The following C20orf203 variants were observed in gnomAD, a reference collection of about 807,000 sequenced individuals.
The protein encoded by C20orf203 is uncharacterized protein C20orf203.
Under a neutral mutation model 15.9 loss-of-function variants are expected in C20orf203, and 16 were observed. The observed-to-expected ratio is 1.01, with a 90% CI of 0.68 to 1.53. The LOEUF is 1.53. C20orf203 is among the 40% of genes most tolerant of loss of function. The pLI, the probability that C20orf203 is intolerant of heterozygous loss-of-function variation, is 0.00. For missense variants in C20orf203, 263 were observed against 247.5 expected (o/e 1.06, Z -0.42); for synonymous variants, 98 against 97.2 (o/e 1.01, Z -0.05).
At chr20:32,645,542 A>G (rs1288329977) in intron 4 of C20orf203, among the ~76,000 whole-genome samples, 1 of 151,752 alleles carries the variant, frequency 6.6e-6, no homozygotes, top group Non-Finnish European at 1.5e-5. Context: ...GCTGCAGGCC[A>G]CTCCTCTCCT....
intron 4 of C20orf203, among the ~76,000 whole-genome samples, chr20:32,644,362 T>C (rs1476331606): frequency 2.0e-5 from 3 of 152,074 alleles, no homozygotes; most frequent in African/African-American, 4.8e-5. Flanking sequence ...GCAGGAGAAT[T>C]GCTTGAACCC....
rs115385469 is a variant in C20orf203, at chr20:32,644,168, C to T, written c.*1178-3481G>A. 8.6e-3 allele frequency among the ~76,000 whole-genome samples: 1,315 copies of T among 152,330 alleles called. 28 individuals are homozygous for T. The highest frequency in any genetic ancestry group is 0.03 in the African/African-American group (1,257 of 41,568). On this transcript the variant is annotated intron_variant, in intron 4 of 5. Coordinates refer to ENST00000608990, the MANE Select transcript of C20orf203 (RefSeq NM_182584.4). ...AGCCTTCTAGAAAAAGGAGTTGTAGCCAGGCACCGTGGCTTACGCCTGTAA... is the reference window on the plus strand; with the variant it reads ...AGCCTTCTAGAAAAAGGAGTTGTAGTCAGGCACCGTGGCTTACGCCTGTAA...
intron 1 of C20orf203, among the ~76,000 whole-genome samples, chr20:32,668,398 G>T (rs1047943320): frequency 6.6e-6 from 1 of 152,048 alleles, no homozygotes; most frequent in African/African-American, 2.4e-5. Context: ...GGCCGAGGCG[G>T]GTGGATCATT....
At chr20:32,662,487 G>C (rs985147525) in intron 1 of C20orf203, among the ~76,000 whole-genome samples, 1 of 152,118 alleles carries the variant, frequency 6.6e-6, no homozygotes, top group African/African-American at 2.4e-5. Context: ...TGTAATCTCA[G>C]CTACTCTGGA....
In C20orf203 at chr20:32,650,325, G is replaced by A; in HGVS notation, c.*107C>T. On this transcript the variant is annotated 3_prime_UTR_variant, in exon 4 of 6. Transcript: ENST00000608990. ...GCGTGCCGGGCCCATCCCCCACTCT[G>A]GGGAGCAGAATGATTGTGGGGGGTG... The A allele has an allele frequency of 4.9e-6, 4 of 814,800 alleles. No individual in the cohort carries two copies. In the South Asian group the frequency reaches 6.8e-5, roughly 14 times the overall value. 50.5% of individuals were successfully genotyped at this position (814,800 alleles called of 1,614,324 possible).
At position 32,632,146 on chromosome 20, in the gene C20orf203, G is replaced by A. The variant is rs1982012086; in HGVS notation, c.*3424C>T. ...ACCCAGAGCAGTCTCCCCAGCCTGG[G>A]CTTGCATTTGAGCCTCACAAATACC... On this transcript the variant is annotated 3_prime_UTR_variant, in exon 6 of 6. Coordinates refer to ENST00000608990, the MANE Select transcript of C20orf203 (RefSeq NM_182584.4). The A allele has an allele frequency of 6.6e-6, 1 of 152,236 alleles. No individual in the cohort carries two copies. Among genetic ancestry groups the A allele is most frequent in the African/African-American group, 2.4e-5 (1 of 41,454 alleles). The allele number at this position is 152,236 out of a possible 1,614,324, so 9.4% of individuals were successfully genotyped here. A position where few individuals can be genotyped will look rare whatever the true frequency, so the allele number is the denominator to read the frequency against.
chr20:32,671,013 T>TAAAA, intron 1 of C20orf203, among the ~76,000 whole-genome samples: 1 of 144,800 alleles, frequency 6.9e-6, no homozygotes, highest in South Asian at 2.2e-4. Flanking sequence ...TGCCATTATT[T>TAAAA]AAAAAAAAAA....
chr20:32,665,191 G>A (rs1293585302), intron 1 of C20orf203, among the ~76,000 whole-genome samples: 1 of 152,196 alleles, frequency 6.6e-6, no homozygotes, highest in Non-Finnish European at 1.5e-5. Context: ...CGTGGGTTCT[G>A]CTCAGAGGAT....
chr20:32,664,135 C>G (rs756392122), intron 1 of C20orf203, among the ~76,000 whole-genome samples: 1 of 152,218 alleles, frequency 6.6e-6, no homozygotes, highest in African/African-American at 2.4e-5. Context: ...CTGCTCTGGT[C>G]TCCCTGGACT....
chr20:32,648,459 G>A (rs1334809345), intron 4 of C20orf203, among the ~76,000 whole-genome samples: 1 of 21,532 alleles, frequency 4.6e-5, no homozygotes, highest in African/African-American at 1.6e-4. Flanking sequence ...TTTTTTTTTT[G>A]AGACAGAGTC....
intron 1 of C20orf203, among the ~76,000 whole-genome samples, chr20:32,655,463 C>T (rs185093855): frequency 1.6e-3 from 239 of 152,104 alleles, no homozygotes; most frequent in Non-Finnish European, 2.7e-3. Context: ...ATAAAGAACC[C>T]TTACAACTCA....
intron 5 of C20orf203, among the ~76,000 whole-genome samples, chr20:32,635,158 C>T (rs538950315): frequency 2.0e-5 from 3 of 151,678 alleles, no homozygotes; most frequent in South Asian, 4.2e-4. Context: ...TGTGCCACTG[C>T]ACTCCAGTCT....
intron 1 of C20orf203, among the ~76,000 whole-genome samples, chr20:32,668,045 G>T (rs1306270952): frequency 6.6e-6 from 1 of 152,180 alleles, no homozygotes; most frequent in African/African-American, 2.4e-5. Context: ...GTGAATCCCT[G>T]CTGCCCCTCT....
intron 1 of C20orf203, among the ~76,000 whole-genome samples, chr20:32,654,117 A>T (rs977538057): frequency 1.3e-5 from 2 of 151,832 alleles, no homozygotes; most frequent in African/African-American, 4.8e-5. Flanking sequence ...AGAATCCACT[A>T]AAAAAAAGTT....
chr20:32,672,033 A>G (rs1354013531), intron 1 of C20orf203, among the ~76,000 whole-genome samples: 1 of 150,666 alleles, frequency 6.6e-6, no homozygotes, highest in East Asian at 2.0e-4. Flanking sequence ...AAAATTTAAG[A>G]GGAGCCGGGG....
At chr20:32,648,546 T>G (rs915070007) in intron 4 of C20orf203, among the ~76,000 whole-genome samples, 1 of 145,958 alleles carries the variant, frequency 6.9e-6, no homozygotes, top group Non-Finnish European at 1.5e-5. Context: ...GTTCACGCCA[T>G]TCTTCTGCCT....
intron 1 of C20orf203, among the ~76,000 whole-genome samples, chr20:32,666,499 C>T (rs1265442938): frequency 1.3e-5 from 2 of 150,460 alleles, no homozygotes; most frequent in Non-Finnish European, 3.0e-5. Flanking sequence ...CGCAGTGGCT[C>T]ATACCTGTAA....
intron 5 of C20orf203, among the ~76,000 whole-genome samples, chr20:32,635,508 A>G (rs1209763470): frequency 6.6e-6 from 1 of 151,548 alleles, no homozygotes; most frequent in Non-Finnish European, 1.5e-5. Context: ...AAAGAAAAAT[A>G]AATAAATAAT....
intron 5 of C20orf203, among the ~76,000 whole-genome samples, chr20:32,634,473 C>T (rs899806670): frequency 3.9e-5 from 6 of 152,146 alleles, no homozygotes; most frequent in Admixed American, 1.3e-4. Flanking sequence ...TAGCCAGCTC[C>T]GGGCCCAGCA....
Sources: allele counts gnomAD v4.1 joint callset (sites outside exome capture counted in the v4.1 genomes callset), GRCh38; gene constraint gnomAD v4.1.1; transcripts MANE v1.5; gene names NCBI Gene and HGNC (gene_info 2026-07-23, HGNC 2026-07-21).